Variants in CNTNAP2 observed in about 807,000 individuals in gnomAD.
CNTNAP2 encodes the protein contactin-associated protein-like 2.
Under a neutral mutation model 155.2 loss-of-function variants are expected in CNTNAP2, and 98 were observed. That is an observed-to-expected ratio of 0.63 (90% CI 0.54 to 0.75). The LOEUF is 0.75. Ranked by LOEUF, CNTNAP2 falls within the 30% of genes least tolerant of loss-of-function variation. The pLI is 0.00. For missense variants in CNTNAP2, 1,727 were observed against 1,688.1 expected (o/e 1.02, Z -0.40); for synonymous variants, 651 against 631.2 (o/e 1.03, Z -0.47).
intron 14 of CNTNAP2, among the ~76,000 whole-genome samples, chr7:147,914,055 C>CA (rs529118198): frequency 0.048 from 6,353 of 133,362 alleles, 310 homozygotes; most frequent in African/African-American, 0.12. Context: ...TTGTAGCAGT[C>CA]AAAAAAAAAA....
At position 148,217,160 on chromosome 7, in the gene CNTNAP2, C is replaced by T. The variant is rs148146757; in HGVS notation, c.3011-128C>T. On this transcript the variant is annotated intron_variant, in intron 18 of 23. Transcript: ENST00000361727. Reference sequence around the variant, plus strand: ...GTGTTGATGCAATAGCATCTTTCTCCATAGAACTTACTCAGATGCCCTTCC... The same window carrying T: ...GTGTTGATGCAATAGCATCTTTCTCTATAGAACTTACTCAGATGCCCTTCC... 1.4e-3 allele frequency: 1,153 copies of T among 838,858 alleles called. 10 individuals carry two copies. The African/African-American group carries it at 0.016, about 12-fold the overall frequency. The allele number at this position is 838,858 out of a possible 1,614,324, so 52.0% of individuals were successfully genotyped here.
intron 15 of CNTNAP2, among the ~76,000 whole-genome samples, chr7:147,993,155 T>C (rs1157358153): frequency 3.3e-5 from 5 of 152,224 alleles, no homozygotes; most frequent in African/African-American, 1.2e-4. Context: ...TCTTTTGGTT[T>C]ATCCAAAGAT....
chr7:146,672,994 C>G (rs1800335317), intron 1 of CNTNAP2, among the ~76,000 whole-genome samples: 1 of 152,056 alleles, frequency 6.6e-6, no homozygotes, highest in Admixed American at 6.6e-5. Flanking sequence ...ACCTACTGCT[C>G]AGCAATTTTT....
chr7:146,841,404 GCCAA>G (rs1284102982), intron 3 of CNTNAP2, among the ~76,000 whole-genome samples: 2 of 151,994 alleles, frequency 1.3e-5, no homozygotes, highest in African/African-American at 4.8e-5. Context: ...AAATCAAGTG[GCCAA>G]CCAACCAAAC....
At chr7:146,637,528 G>T (rs1229947753) in intron 1 of CNTNAP2, among the ~76,000 whole-genome samples, 2 of 152,018 alleles carry the variant, frequency 1.3e-5, no homozygotes, top group African/African-American at 4.8e-5. Flanking sequence ...GCTTTTCTAC[G>T]TTTCACCACA....
chr7:146,840,849 G>A (rs1281829043), intron 3 of CNTNAP2, among the ~76,000 whole-genome samples: 1 of 152,112 alleles, frequency 6.6e-6, no homozygotes, highest in Non-Finnish European at 1.5e-5. Flanking sequence ...TGTGAAATAA[G>A]GATATAATGT....
intron 10 of CNTNAP2, among the ~76,000 whole-genome samples, chr7:147,472,135 T>C (rs1358710981): frequency 5.9e-5 from 9 of 151,424 alleles, no homozygotes; most frequent in Non-Finnish European, 1.0e-4. Flanking sequence ...TAGCAGATCA[T>C]GCAAAAACAT....
intron 18 of CNTNAP2, among the ~76,000 whole-genome samples, chr7:148,193,338 T>G (rs1795229399): frequency 6.6e-6 from 1 of 152,140 alleles, no homozygotes; most frequent in Non-Finnish European, 1.5e-5. Flanking sequence ...CAACCCACGT[T>G]TTGAGGGGCC....
rs759285710 is a variant in CNTNAP2 at position 147,140,046 on chromosome 7, T to G, written c.1348+7537T>G. ...GGGAACTGAAATTCTGTGCTATTTC[T>G]GAGTCCTCTTTCTTCTCTCCAGTCA... On this transcript the variant is annotated intron_variant, in intron 8 of 23. Coordinates refer to ENST00000361727, the MANE Select transcript of CNTNAP2 (RefSeq NM_014141.6). 3.9e-5 allele frequency among the ~76,000 whole-genome samples: 6 copies of G among 152,116 alleles called. 1 individual carries two copies. The highest frequency in any genetic ancestry group is 3.9e-4 in the Admixed American group (6 of 15,246).
chr7:147,791,183 C>A (rs1797813172), intron 13 of CNTNAP2, among the ~76,000 whole-genome samples: 1 of 151,976 alleles, frequency 6.6e-6, no homozygotes, highest in South Asian at 2.1e-4. Context: ...TCCTAGATGC[C>A]TCTGATGACA....
chr7:147,377,240 T>A (rs1037360304), intron 9 of CNTNAP2, among the ~76,000 whole-genome samples: 2 of 151,380 alleles, frequency 1.3e-5, no homozygotes, highest in Admixed American at 1.3e-4. Flanking sequence ...ATTATCCTTA[T>A]TTTTTTTCAA....
intron 8 of CNTNAP2, among the ~76,000 whole-genome samples, chr7:147,278,989 A>T (rs1328914317): frequency 6.6e-6 from 1 of 151,538 alleles, no homozygotes; most frequent in Admixed American, 6.6e-5. Flanking sequence ...CATTATACAT[A>T]GCTTGCTAGA....
chr7:146,427,122 C>T (rs574057944), intron 1 of CNTNAP2, among the ~76,000 whole-genome samples: 1 of 152,092 alleles, frequency 6.6e-6, no homozygotes, highest in South Asian at 2.1e-4. Flanking sequence ...AAAAAGCAAA[C>T]CTCCCCTCCG....
intron 1 of CNTNAP2, among the ~76,000 whole-genome samples, chr7:146,737,518 G>GAAT (rs1220721129): frequency 6.6e-6 from 1 of 151,990 alleles, no homozygotes; most frequent in Non-Finnish European, 1.5e-5. Flanking sequence ...GAATGAGATG[G>GAAT]AACAGGTATA....
intron 21 of CNTNAP2, among the ~76,000 whole-genome samples, chr7:148,285,637 A>T (rs1797067415): frequency 6.6e-6 from 1 of 152,260 alleles, no homozygotes; most frequent in Admixed American, 6.5e-5. Context: ...TGCACTTGAC[A>T]TGTGAGGAAA....
intron 3 of CNTNAP2, among the ~76,000 whole-genome samples, chr7:147,008,081 A>G (rs553541371): frequency 5.3e-4 from 80 of 152,146 alleles, no homozygotes; most frequent in Non-Finnish European, 1.1e-3. Flanking sequence ...GGGTGGCCCC[A>G]CGTTTTCAAT....
intron 13 of CNTNAP2, among the ~76,000 whole-genome samples, chr7:147,867,438 T>C (rs1799253111): frequency 6.6e-6 from 1 of 152,200 alleles, no homozygotes; most frequent in Non-Finnish European, 1.5e-5. Context: ...GGAGTGGCTC[T>C]TCTTGAGGAG....
Position 147,132,462 on chromosome 7 carries a change from A to C in CNTNAP2, c.1301A>C (p.His434Pro). Residue 434 changes from histidine (H) to proline (P), a missense_variant, in exon 8 of 24, where the codon CAC becomes CCC. Physicochemically the swap from His to Pro is moderately conservative, Grantham distance 77. Coordinates refer to ENST00000361727, the MANE Select transcript of CNTNAP2 (RefSeq NM_014141.6). The stretch of plus-strand genomic sequence containing the variant: ...CTCACTGAAAGCAAAGTGGGTGTTC[A>C]CATCAACATCACACAGACCAAGATG... ...IDLTESKVGV[H>P]INITQTKMSQ... 1 of 1,613,678 alleles carries C rather than the reference A, an allele frequency of 6.2e-7. No homozygotes were observed. Among genetic ancestry groups the C allele is most frequent in the Non-Finnish European group, 8.5e-7 (1 of 1,179,724 alleles).
intron 1 of CNTNAP2, among the ~76,000 whole-genome samples, chr7:146,482,059 A>T (rs1796967232): frequency 6.6e-6 from 1 of 152,148 alleles, no homozygotes; most frequent in African/African-American, 2.4e-5. Context: ...AAAAATAATG[A>T]TAACTTAAAA....
Sources: gnomAD v4.1 joint callset for allele counts (sites outside exome capture counted in the v4.1 genomes callset) on GRCh38, gnomAD v4.1.1 for gene constraint, MANE v1.5 for transcripts, NCBI Gene and HGNC (gene_info 2026-07-23, HGNC 2026-07-21) for gene names.